Variants in RAD51B observed in about 807,000 individuals in gnomAD.
The protein encoded by RAD51B is DNA repair protein RAD51 homolog 2.
In RAD51B, 38 loss-of-function variants were observed where a neutral mutation model predicts 42.2. The observed-to-expected ratio is 0.90, with a 90% CI of 0.70 to 1.18. The LOEUF (loss-of-function observed/expected upper bound fraction) is 1.18. Ranked by LOEUF, RAD51B falls within the 50% of genes most tolerant of loss-of-function variation. The pLI, the probability that RAD51B is intolerant of heterozygous loss-of-function variation, is 0.00. For missense variants in RAD51B, 373 were observed against 400.7 expected (o/e 0.93, Z 0.59); for synonymous variants, 154 against 145.2 (o/e 1.06, Z -0.43).
chr14:68,475,701 AT>A (rs1467194601), intron 10 of RAD51B, among the ~76,000 whole-genome samples: 1 of 152,162 alleles, frequency 6.6e-6, no homozygotes, highest in Non-Finnish European at 1.5e-5. Flanking sequence ...TAAAAAAAAA[AT>A]GAAACAAAAT....
At chr14:68,038,683 A>G (rs1046241427) in intron 7 of RAD51B, among the ~76,000 whole-genome samples, 2 of 152,176 alleles carry the variant, frequency 1.3e-5, no homozygotes, top group African/African-American at 2.4e-5. Context: ...GGTAGCAACA[A>G]TGTGTGGGAT....
chr14:68,472,348 T>G (rs2086147350), intron 10 of RAD51B, among the ~76,000 whole-genome samples: 1 of 152,194 alleles, frequency 6.6e-6, no homozygotes, highest in African/African-American at 2.4e-5. Context: ...TGGGCTGTGT[T>G]GCTGGCGCTG....
chr14:68,308,494 C>G (rs1260583686), intron 8 of RAD51B, among the ~76,000 whole-genome samples: 2 of 152,086 alleles, frequency 1.3e-5, no homozygotes, highest in African/African-American at 4.8e-5. Flanking sequence ...AAAGGCCCTA[C>G]AAGCAGCTTA....
intron 9 of RAD51B, among the ~76,000 whole-genome samples, chr14:68,443,258 G>A (rs2085343842): frequency 6.6e-6 from 1 of 152,204 alleles, no homozygotes. Flanking sequence ...TTCTTGGCCA[G>A]GGTCTGAGAA....
chr14:67,982,885 G>A (rs2075121352), intron 7 of RAD51B, among the ~76,000 whole-genome samples: 1 of 151,946 alleles, frequency 6.6e-6, no homozygotes, highest in Non-Finnish European at 1.5e-5. Flanking sequence ...GCAACATAGT[G>A]AGACACGAAT....
chr14:67,970,152 C>T (rs1488969329), intron 7 of RAD51B, among the ~76,000 whole-genome samples: 4 of 152,098 alleles, frequency 2.6e-5, no homozygotes, highest in Admixed American at 2.6e-4. Context: ...CCTTAACTTA[C>T]CCAGGGATGT....
At chr14:68,011,173 C>T (rs906842082) in intron 7 of RAD51B, among the ~76,000 whole-genome samples, 1 of 152,028 alleles carries the variant, frequency 6.6e-6, no homozygotes, top group Non-Finnish European at 1.5e-5. Context: ...CCATTTCTAT[C>T]AACATAGTGT....
In RAD51B at chr14:68,477,699, T is replaced by C; in HGVS notation, c.*35T>C. 4 of 1,602,402 alleles carry C rather than the reference T, an allele frequency of 2.5e-6. No individual in the cohort carries two copies. Among genetic ancestry groups the C allele is most frequent in the Non-Finnish European group, 3.4e-6 (4 of 1,177,106 alleles). ...GACCTTTGTCTAGAGTTGATGGGGG[T>C]GTGATTTGTGAAATAAAACAGGACC... On this transcript the variant is annotated 3_prime_UTR_variant, in exon 11 of 11. Coordinates refer to ENST00000471583, the MANE Select transcript of RAD51B (RefSeq NM_133510.4).
At chr14:68,362,003 G>T (rs922287014) in intron 8 of RAD51B, among the ~76,000 whole-genome samples, 12 of 152,254 alleles carry the variant, frequency 7.9e-5, no homozygotes, top group African/African-American at 2.9e-4. Flanking sequence ...TCGCCCCAAA[G>T]AAATTAGGCT....
At chr14:68,595,056 C>G in exon 11 of RAD51B, 1 of 1,072,576 alleles carries the variant, frequency 9.3e-7, no homozygotes, top group African/African-American at 1.6e-5. Context: ...TGAGTATTTA[C>G]TCAGTGCTCC....
intron 11 of RAD51B, among the ~76,000 whole-genome samples, chr14:68,660,297 G>T (rs1454859699): frequency 6.6e-6 from 1 of 152,238 alleles, no homozygotes; most frequent in African/African-American, 2.4e-5. Context: ...ACGTGCTGCT[G>T]AGTAGCTTTT....
intron 7 of RAD51B, among the ~76,000 whole-genome samples, chr14:68,275,794 CCACA>C (rs10641411): frequency 0.083 from 11,716 of 141,240 alleles, 538 homozygotes; most frequent in African/African-American, 0.12. Context: ...AACTAGCTCT[CCACA>C]CACACACACA....
At chr14:67,860,229 A>T (rs776499370) in intron 4 of RAD51B, among the ~76,000 whole-genome samples, 4 of 152,228 alleles carry the variant, frequency 2.6e-5, no homozygotes, top group Non-Finnish European at 4.4e-5. Context: ...AGGATGCTAT[A>T]TATTTGAAGT....
At chr14:68,235,398 T>C (rs1334069877) in intron 7 of RAD51B, among the ~76,000 whole-genome samples, 1 of 151,940 alleles carries the variant, frequency 6.6e-6, no homozygotes, top group East Asian at 1.9e-4. Context: ...TTTTGCTTTT[T>C]TTCCTCTTAA....
chr14:68,131,494 G>A (rs1164305898), intron 7 of RAD51B, among the ~76,000 whole-genome samples: 1 of 152,068 alleles, frequency 6.6e-6, no homozygotes, highest in African/African-American at 2.4e-5. Flanking sequence ...TCAGGAGTTC[G>A]AGACCAGCCT....
intron 9 of RAD51B, chr14:68,422,122 A>C: frequency 6.9e-7 from 1 of 1,443,836 alleles, no homozygotes. Flanking sequence ...TCTTGTCTGC[A>C]AACAGCTCGA....
intron 9 of RAD51B, among the ~76,000 whole-genome samples, chr14:68,467,810 T>C (rs922984787): frequency 2.6e-5 from 4 of 152,244 alleles, no homozygotes; most frequent in Non-Finnish European, 4.4e-5. Flanking sequence ...TGAATTTTTT[T>C]AGTAAAACAG....
At chr14:68,278,729 A>G (rs1350619347) in intron 7 of RAD51B, among the ~76,000 whole-genome samples, 1 of 152,094 alleles carries the variant, frequency 6.6e-6, no homozygotes, top group Non-Finnish European at 1.5e-5. Context: ...CCTGGTCCTG[A>G]GCCTGCTGAG....
chr14:68,544,362 T>G (rs1888115904), intron 10 of RAD51B, among the ~76,000 whole-genome samples: 1 of 152,204 alleles, frequency 6.6e-6, no homozygotes, highest in Non-Finnish European at 1.5e-5. Flanking sequence ...CTGTATTCCT[T>G]GGAAATCTCT....
Sources: allele counts gnomAD v4.1 joint callset (sites outside exome capture counted in the v4.1 genomes callset), GRCh38; gene constraint gnomAD v4.1.1; transcripts MANE v1.5; gene names NCBI Gene and HGNC (gene_info 2026-07-23, HGNC 2026-07-21).